The following SERGEF variants were observed in gnomAD, a reference collection of about 807,000 sequenced individuals.
SERGEF encodes the protein secretion regulating guanine nucleotide exchange factor, also known as secretion-regulating guanine nucleotide exchange factor.
In SERGEF, 51 loss-of-function variants were observed where a neutral mutation model predicts 50.0. That is an observed-to-expected ratio of 1.02 (90% CI 0.81 to 1.29). The LOEUF (loss-of-function observed/expected upper bound fraction) is 1.29, where lower values mean the gene tolerates loss of function less well. Ranked by LOEUF, SERGEF falls within the 50% of genes most tolerant of loss-of-function variation. The pLI, the probability that SERGEF is intolerant of heterozygous loss-of-function variation, is 0.00. For missense variants in SERGEF, 521 were observed against 557.0 expected (o/e 0.94, Z 0.65); for synonymous variants, 205 against 212.4 (o/e 0.97, Z 0.30).
intron 8 of SERGEF, among the ~76,000 whole-genome samples, chr11:17,985,479 G>GAC (rs2133993549): frequency 6.6e-6 from 1 of 152,266 alleles, no homozygotes; most frequent in East Asian, 1.9e-4. Flanking sequence ...TCTCAGATGA[G>GAC]ACACCTGCAG....
chr11:17,813,983 T>C (rs1326687170), intron 10 of SERGEF, among the ~76,000 whole-genome samples: 1 of 152,156 alleles, frequency 6.6e-6, no homozygotes. Flanking sequence ...ACTGCTTAGG[T>C]TCTAACAGCT....
rs1851473245 is a variant in SERGEF, at chr11:17,888,605, T to G, written c.1012-10361A>C. On this transcript the variant is annotated intron_variant, in intron 9 of 10. Coordinates refer to ENST00000265965, the MANE Select transcript of SERGEF (RefSeq NM_012139.4). This position sits in a 1 kb window ranked among gnomAD's most constrained non-coding sequence, Gnocchi z 4.1. ...TGTGGATATCAGGTTAGAATTAGAG[T>G]TATCAGTATGAACTCACAGTTTTAC... 6.8e-6 allele frequency among the ~76,000 whole-genome samples: 1 copy of G among 147,478 alleles called. No homozygotes were observed. Among genetic ancestry groups the G allele is most frequent in the South Asian group, 2.2e-4 (1 of 4,638 alleles).
chr11:17,884,490 T>C lies in SERGEF; in HGVS notation c.1012-6246A>G, dbSNP rs1851394121. Among the ~76,000 whole-genome samples the C allele has an allele frequency of 6.6e-6, 1 of 152,094 alleles. No individual in the cohort carries two copies. The highest frequency in any genetic ancestry group is 6.5e-5 in the Admixed American group (1 of 15,270). ...TGTATCTCTGGGGTGACAACCAGAATTTCCAAACTATTAGAAACGCAGTGC... is the reference window on the plus strand; with the variant it reads ...TGTATCTCTGGGGTGACAACCAGAACTTCCAAACTATTAGAAACGCAGTGC... On this transcript the variant is annotated intron_variant, in intron 9 of 10. Coordinates refer to ENST00000265965, the MANE Select transcript of SERGEF (RefSeq NM_012139.4). This position sits in a 1 kb window ranked among gnomAD's most constrained non-coding sequence, Gnocchi z 4.6.
At chr11:17,983,648 G>A (rs1853535186) in intron 8 of SERGEF, among the ~76,000 whole-genome samples, 1 of 151,880 alleles carries the variant, frequency 6.6e-6, no homozygotes, top group African/African-American at 2.4e-5. Flanking sequence ...CATGGCTCCT[G>A]CCTTCATGGG....
At chr11:17,878,130 T>C (rs1851271383) in intron 10 of SERGEF, 78 bp downstream of exon 10, 5 of 1,108,482 alleles carry the variant, frequency 4.5e-6, no homozygotes, top group Non-Finnish European at 5.4e-6. Context: ...CACCATGGCT[T>C]TTGGTTAACC....
Position 17,847,722 on chromosome 11 carries a change from T to TGAAA in SERGEF, c.1048+30482_1048+30485dup, listed in dbSNP as rs535143280. Among the ~76,000 whole-genome samples the TGAAA allele has an allele frequency of 2.7e-3, 410 of 152,254 alleles. 4 individuals carry two copies. The highest frequency in any genetic ancestry group is 0.01 in the Middle Eastern group (3 of 294). ...TCAAAGAATTAGGAAGATTTTAAGC[T>TGAAA]GAAAGGGCTTTAGCAGTACTGAGGT... On this transcript the variant is annotated intron_variant, in intron 10 of 10. Transcript: ENST00000265965.
At chr11:17,936,002 T>C (rs1852445818) in intron 9 of SERGEF, among the ~76,000 whole-genome samples, 1 of 152,158 alleles carries the variant, frequency 6.6e-6, no homozygotes, top group African/African-American at 2.4e-5. Context: ...TGTGCTATAA[T>C]TCATTAATTC....
intron 9 of SERGEF, among the ~76,000 whole-genome samples, chr11:17,917,414 G>A (rs190909654): frequency 1.3e-5 from 2 of 151,588 alleles, no homozygotes; most frequent in African/African-American, 4.9e-5. Flanking sequence ...AATGACTCAG[G>A]GGGGAAGGGT....
At chr11:17,960,887 A>G (rs1852983064) in intron 8 of SERGEF, among the ~76,000 whole-genome samples, 1 of 152,218 alleles carries the variant, frequency 6.6e-6, no homozygotes, top group African/African-American at 2.4e-5. Context: ...CTCGTATATT[A>G]TGAGAGCTGG....
chr11:17,829,780 A>T (rs74721241), intron 10 of SERGEF, among the ~76,000 whole-genome samples: 3,240 of 152,324 alleles, frequency 0.021, 117 homozygotes, highest in African/African-American at 0.075. Flanking sequence ...AACTACCCTG[A>T]TCCTCAAAAA....
At chr11:17,794,821 G>A (rs1849547184) in intron 10 of SERGEF, among the ~76,000 whole-genome samples, 1 of 152,284 alleles carries the variant, frequency 6.6e-6, no homozygotes, top group Non-Finnish European at 1.5e-5. Flanking sequence ...TTGCTTCCCA[G>A]GTAATTAAGA....
At chr11:17,998,480 T>C (rs981425214) in intron 5 of SERGEF, among the ~76,000 whole-genome samples, 1 of 108,340 alleles carries the variant, frequency 9.2e-6, no homozygotes, top group Non-Finnish European at 1.9e-5. Flanking sequence ...TATATATATA[T>C]ATATATATGC....
chr11:17,943,859 C>T (rs1852605166), intron 9 of SERGEF, among the ~76,000 whole-genome samples: 1 of 152,152 alleles, frequency 6.6e-6, no homozygotes, highest in African/African-American at 2.4e-5. Context: ...ACAATTAACT[C>T]ATATTCCCAA....
Position 18,011,249 on chromosome 11 carries a change from C to T in SERGEF, c.60+1702G>A, listed in dbSNP as rs545438880. On this transcript the variant is annotated intron_variant, in intron 1 of 10. Transcript: ENST00000265965. ...GTGTTGAAGCCCTAACCTTTAGTAC[C>T]TTACTGTATTTGGAAAGAAGGCCTT... Among the ~76,000 whole-genome samples, 16 of 152,166 alleles carry T rather than the reference C, an allele frequency of 1.1e-4. No individual in the cohort carries two copies. The South Asian group carries it at 2.3e-3, about 22-fold the overall frequency.
intron 9 of SERGEF, among the ~76,000 whole-genome samples, chr11:17,944,768 T>C (rs1852626068): frequency 6.6e-6 from 1 of 152,200 alleles, no homozygotes; most frequent in Admixed American, 6.5e-5. Context: ...AGATCTCACA[T>C]TTACAAAACA....
At chr11:17,867,785 T>G (rs542319503) in intron 10 of SERGEF, among the ~76,000 whole-genome samples, 1 of 152,352 alleles carries the variant, frequency 6.6e-6, no homozygotes, top group South Asian at 2.1e-4. Context: ...ACCCCAATTC[T>G]TGACTTTGGT....
In SERGEF at chr11:17,888,552, T is replaced by C. The variant is rs1250746706; in HGVS notation, c.1012-10308A>G. Among the ~76,000 whole-genome samples, 4 of 151,808 alleles carry C rather than the reference T, an allele frequency of 2.6e-5. No individual in the cohort carries two copies. Among genetic ancestry groups the C allele is most frequent in the African/African-American group, 9.7e-5 (4 of 41,290 alleles). Reference sequence around the variant, plus strand: ...ACTGTAGTTGAAGGAAACACAAATATAGAATGAGAGAAGGCAAAGAGAAAC... The same window carrying C: ...ACTGTAGTTGAAGGAAACACAAATACAGAATGAGAGAAGGCAAAGAGAAAC... On this transcript the variant is annotated intron_variant, in intron 9 of 10. Transcript: ENST00000265965. This position sits in a 1 kb window ranked among gnomAD's most constrained non-coding sequence, Gnocchi z 4.1.
intron 10 of SERGEF, among the ~76,000 whole-genome samples, chr11:17,870,283 C>T (rs1021620360): frequency 1.3e-5 from 2 of 152,142 alleles, no homozygotes; most frequent in African/African-American, 4.8e-5. Flanking sequence ...TGAAAATGTA[C>T]TAATACAGGG....
At chr11:17,802,641 C>T (rs1849691931) in intron 10 of SERGEF, among the ~76,000 whole-genome samples, 1 of 152,190 alleles carries the variant, frequency 6.6e-6, no homozygotes, top group Non-Finnish European at 1.5e-5. Context: ...CCACACTGGT[C>T]TCCTTGCTCT....
Sources: allele counts gnomAD v4.1 joint callset (sites outside exome capture counted in the v4.1 genomes callset), GRCh38; gene constraint gnomAD v4.1.1; non-coding constraint Gnocchi (gnomAD v3.1); transcripts MANE v1.5; gene names NCBI Gene and HGNC (gene_info 2026-07-23, HGNC 2026-07-21).